The following CKMT1A variants were observed in gnomAD, a reference collection of about 807,000 sequenced individuals.
CKMT1A encodes the protein creatine kinase, mitochondrial 1A.
Under a neutral mutation model 21.8 loss-of-function variants are expected in CKMT1A, and 23 were observed. That is an observed-to-expected ratio of 1.05 (90% CI 0.76 to 1.49). CKMT1A has a LOEUF of 1.49. Among genes scored for constraint, CKMT1A ranks in the 40% most tolerant of loss-of-function variants. CKMT1A has a pLI of 0.00. For synonymous variants in CKMT1A, 67 were observed against 80.4 expected (o/e 0.83, Z 0.89); for missense variants, 154 against 229.4 (o/e 0.67, Z 2.12).
Position 43,696,415 on chromosome 15 carries a change from A to G in CKMT1A, c.876+52A>G, listed in dbSNP as rs1157181383. 4 of 1,609,000 alleles carry G rather than the reference A, an allele frequency of 2.5e-6. No individual in the cohort carries two copies. The African/African-American group carries it at 5.5e-5, about 22-fold the overall frequency. Reference sequence around the variant, plus strand: ...AGGTGGGAGGACATAAGGAAAACCAAAGAGTAGCATAAATAGATTATGTAA... The same window carrying G: ...AGGTGGGAGGACATAAGGAAAACCAGAGAGTAGCATAAATAGATTATGTAA... On this transcript the variant is annotated intron_variant, in intron 6 of 8. Transcript: ENST00000413453.
In CKMT1A at chr15:43,696,044, C is replaced by G; in HGVS notation, c.672C>G (p.His224Gln). Residue 224 changes from histidine (H) to glutamine (Q), a missense_variant, in exon 5 of 9, where the codon CAC becomes CAG. Coordinates refer to ENST00000413453, the MANE Select transcript of CKMT1A (RefSeq NM_001321926.2). The stretch of plus-strand genomic sequence containing the variant: ...AGTCCCGTTACTCTTCCCAGGACCA[C>G]TTTCTGTTTGATAAGCCTGTGTCCC... ...EAEQQQLIDDHFLFDKPVSPL... is the reference protein window; with the variant it reads ...EAEQQQLIDDQFLFDKPVSPL... 2.0e-6 allele frequency: 1 copy of G among 509,786 alleles called. No homozygotes were observed. Among genetic ancestry groups the G allele is most frequent in the Non-Finnish European group, 3.2e-6 (1 of 308,776 alleles). The allele number at this position is 509,786 out of a possible 1,614,324, so 31.6% of individuals were successfully genotyped here.
At position 43,699,055 on chromosome 15, in the gene CKMT1A, G is replaced by A. The variant is rs143052501; in HGVS notation, c.1220G>A (p.Arg407His). 28 of 1,613,422 alleles carry A rather than the reference G, an allele frequency of 1.7e-5. 1 individual carries two copies. Among genetic ancestry groups the A allele is most frequent in the Non-Finnish European group, 2.4e-5 (28 of 1,179,838 alleles). ...ERRLERGQDI[R>H]IPTPVIHTKH ...CGTCTGGAGAGAGGCCAGGATATCC[G>A]CATCCCCACACCTGTCATCCACACC... Residue 407 changes from arginine to histidine, a missense_variant, in exon 9 of 9, where the codon CGC becomes CAC. Coordinates refer to ENST00000413453, the MANE Select transcript of CKMT1A (RefSeq NM_001321926.2).
At chr15:43,696,428 A>G in intron 6 of CKMT1A, 65 bp downstream of exon 6, 2 of 1,607,096 alleles carry the variant, frequency 1.2e-6, no homozygotes, top group South Asian at 2.2e-5. Flanking sequence ...AGTAGCATAA[A>G]TAGATTATGT....
At chr15:43,698,804 G>T in intron 8 of CKMT1A, 38 bp downstream of exon 8, 1 of 1,611,774 alleles carries the variant, frequency 6.2e-7, no homozygotes, top group Non-Finnish European at 8.5e-7. Context: ...AGAGGTATAG[G>T]TCTGTGGGGG....
Position 43,696,281 on chromosome 15 carries a change from A to C in CKMT1A, c.794A>C (p.Glu265Ala). 1 of 1,596,234 alleles carries C rather than the reference A, an allele frequency of 6.3e-7. No homozygotes were observed. The highest frequency in any genetic ancestry group is 8.6e-7 in the Non-Finnish European group (1 of 1,169,200). Residue 265 changes from glutamate (E) to alanine (A), a missense_variant, in exon 6 of 9, where the codon GAG becomes GCG. Coordinates refer to ENST00000413453, the MANE Select transcript of CKMT1A (RefSeq NM_001321926.2). The part of the protein sequence containing the change: ...EKSFLIWVNE[E>A]DHTRVISMEK... The stretch of plus-strand genomic sequence containing the variant: ...AGCTTCCTGATCTGGGTGAATGAGG[A>C]GGATCATACACGGGTGATCTCCATG...
chr15:43,696,587 T>C lies in CKMT1A; in HGVS notation c.876+224T>C, dbSNP rs2086450174. 5.8e-6 allele frequency: 4 copies of C among 693,896 alleles called. 1 individual carries two copies. The highest frequency in any genetic ancestry group is 5.5e-5 in the African/African-American group (3 of 54,948). 43.0% of individuals were successfully genotyped at this position (693,896 alleles called of 1,614,324 possible). A position where few individuals can be genotyped will look rare whatever the true frequency, so the allele number is the denominator to read the frequency against. On this transcript the variant is annotated intron_variant, in intron 6 of 8. Coordinates refer to ENST00000413453, the MANE Select transcript of CKMT1A (RefSeq NM_001321926.2). The stretch of plus-strand genomic sequence containing the variant: ...GATTAGGAAAAGAGTGTCAGGAACC[T>C]TAGAAAGTGAAGAAGGCAGGTAATG...
intron 6 of CKMT1A, chr15:43,697,670 C>A: frequency 1.0e-6 from 1 of 984,998 alleles, no homozygotes; most frequent in Non-Finnish European, 1.2e-6. Flanking sequence ...CAAAGATAAT[C>A]GATGCATGCA....
Position 43,698,507 on chromosome 15 carries a change from C to G in CKMT1A, c.1012-134C>G. 3 of 984,616 alleles carry G rather than the reference C, an allele frequency of 3.0e-6. 1 individual carries two copies. The highest frequency in any genetic ancestry group is 4.3e-6 in the Non-Finnish European group (3 of 701,170). The allele number at this position is 984,616 out of a possible 1,614,324, so 61.0% of individuals were successfully genotyped here. ...CCTGGGTGACAGAGAGAGACCCTGTCTAAAAAAAAAAAAAAAGAAAAAAGG... is the reference window on the plus strand; with the variant it reads ...CCTGGGTGACAGAGAGAGACCCTGTGTAAAAAAAAAAAAAAAGAAAAAAGG... On this transcript the variant is annotated intron_variant, in intron 7 of 8. Coordinates refer to ENST00000413453, the MANE Select transcript of CKMT1A (RefSeq NM_001321926.2).
chr15:43,695,892 CA>C lies in CKMT1A; in HGVS notation c.650del (p.Gln217ArgfsTer19). On this transcript the variant is annotated frameshift_variant, in exon 4 of 9. Coordinates refer to ENST00000413453, the MANE Select transcript of CKMT1A (RefSeq NM_001321926.2). LOFTEE classifies it high-confidence loss of function. ...YRLSEMTEAE[Q>X]QQLIDDHFLF... ...GCTCAGTGAGATGACAGAGGCTGAACAGCAGCAGCTTATTGATGTGAGGGCC... is the reference window on the plus strand; with the variant it reads ...GCTCAGTGAGATGACAGAGGCTGAACGCAGCAGCTTATTGATGTGAGGGCC... 4.3e-6 allele frequency: 1 copy of C among 233,454 alleles called. No homozygotes were observed. The highest frequency in any genetic ancestry group is 2.7e-5 in the South Asian group (1 of 36,564). The allele number at this position is 233,454 out of a possible 1,614,324, so 14.5% of individuals were successfully genotyped here.
At chr15:43,698,417 G>C (rs1391678309) in intron 7 of CKMT1A, among the ~76,000 whole-genome samples, 9 of 151,196 alleles carry the variant, frequency 6.0e-5, no homozygotes, top group Non-Finnish European at 1.3e-4. Context: ...GTGTAGTGGA[G>C]GCTGAGGTGA....
intron 6 of CKMT1A, chr15:43,696,614 A>G (rs1222749025): frequency 1.6e-6 from 1 of 607,638 alleles, no homozygotes; most frequent in Non-Finnish European, 2.8e-6. Flanking sequence ...CAGGTAATGC[A>G]AAGAAGGAAT....
intron 8 of CKMT1A, 65 bp from the exon 9 acceptor site, chr15:43,698,908 G>A: frequency 1.2e-6 from 2 of 1,605,592 alleles, no homozygotes; most frequent in Non-Finnish European, 1.7e-6. Context: ...GAGCAGGCAA[G>A]TCAGTCAGTG....
At chr15:43,697,715 G>T in intron 6 of CKMT1A, 2 of 984,516 alleles carry the variant, frequency 2.0e-6, no homozygotes, top group Non-Finnish European at 1.2e-6. Context: ...TCTCAGTTCA[G>T]TTTACCACCT....
rs1313989110 is a variant in CKMT1A, at chr15:43,696,267, C to G, written c.780C>G (p.Ile260Met). The change falls in exon 6 of 9, where the codon ATC becomes ATG. Residue 260 changes from isoleucine (I) to methionine (M), a missense_variant. Coordinates refer to ENST00000413453, the MANE Select transcript of CKMT1A (RefSeq NM_001321926.2). Reference protein sequence around the residue: ...IWHNNEKSFLIWVNEEDHTRV... With the variant: ...IWHNNEKSFLMWVNEEDHTRV... The stretch of plus-strand genomic sequence containing the variant: ...ACAACAATGAGAAGAGCTTCCTGAT[C>G]TGGGTGAATGAGGAGGATCATACAC... The G allele has an allele frequency of 1.9e-6, 3 of 1,592,276 alleles. No homozygotes were observed. The African/African-American group carries it at 4.3e-5, about 23-fold the overall frequency.
intron 6 of CKMT1A, chr15:43,697,631 C>G: frequency 6.1e-6 from 6 of 984,864 alleles, no homozygotes; most frequent in Non-Finnish European, 7.2e-6. Flanking sequence ...CTGAAAGGAC[C>G]CTTCCAAGCT....
rs1406664465 is a variant in CKMT1A, at chr15:43,698,501, C to A, written c.1012-140C>A. 4.9e-5 allele frequency: 57 copies of A among 1,158,322 alleles called. 1 individual carries two copies. The highest frequency in any genetic ancestry group is 3.1e-4 in the Middle Eastern group (1 of 3,270). The allele number at this position is 1,158,322 out of a possible 1,614,324, so 71.8% of individuals were successfully genotyped here. ...CTCCAGCCTGGGTGACAGAGAGAGA[C>A]CCTGTCTAAAAAAAAAAAAAAAGAA... On this transcript the variant is annotated intron_variant, in intron 7 of 8. Coordinates refer to ENST00000413453, the MANE Select transcript of CKMT1A (RefSeq NM_001321926.2).
At chr15:43,696,613 C>A (rs1258669313) in intron 6 of CKMT1A, 3 of 608,020 alleles carry the variant, frequency 4.9e-6, no homozygotes, top group Non-Finnish European at 8.4e-6. Flanking sequence ...GCAGGTAATG[C>A]AAAGAAGGAA....
intron 6 of CKMT1A, chr15:43,697,548 C>G: frequency 3.0e-6 from 3 of 984,738 alleles, no homozygotes; most frequent in Non-Finnish European, 3.6e-6. Context: ...TGCATTCACA[C>G]AGGTGCTCCG....
chr15:43,697,925 T>C, intron 6 of CKMT1A, 89 bp from the exon 7 acceptor site: 1 of 1,547,944 alleles, frequency 6.5e-7, no homozygotes, highest in Non-Finnish European at 8.7e-7. Flanking sequence ...TAGACAAATT[T>C]CTAGTGTTCT....
Sources: allele counts gnomAD v4.1 joint callset (sites outside exome capture counted in the v4.1 genomes callset), GRCh38; gene constraint gnomAD v4.1.1; transcripts MANE v1.5; gene names NCBI Gene and HGNC (gene_info 2026-07-23, HGNC 2026-07-21).